The following TSPEAR variants were observed in gnomAD, a reference collection of about 807,000 sequenced individuals.
The protein encoded by TSPEAR is thrombospondin-type laminin G domain and EAR repeat-containing protein.
In TSPEAR, 69 loss-of-function variants were observed where a neutral mutation model predicts 71.6. The ratio of observed to expected loss-of-function variants is 0.96; its 90% CI spans 0.79 to 1.18. The LOEUF is 1.18. Ranked by LOEUF, TSPEAR falls within the 50% of genes most tolerant of loss-of-function variation. The pLI, the probability that TSPEAR is intolerant of heterozygous loss-of-function variation, is 0.00. For synonymous variants in TSPEAR, 402 were observed against 387.2 expected (o/e 1.04, Z -0.45); for missense variants, 971 against 894.9 (o/e 1.09, Z -1.09).
In TSPEAR at chr21:44,582,802, CTCTT is replaced by C. The variant is rs587733116; in HGVS notation, c.83-14801_83-14798del. Among the ~76,000 whole-genome samples the C allele has an allele frequency of 7.2e-3, 1,071 of 148,722 alleles. 8 individuals are homozygous for C. Among genetic ancestry groups the C allele is most frequent in the Middle Eastern group, 0.028 (8 of 290 alleles). ...TGATCACACCAATTTCTTTCTTTCT[CTCTT>C]TCTTTCTCTTTCTTTCTTTTCTTCC... On this transcript the variant is annotated intron_variant, in intron 1 of 11. Transcript: ENST00000323084.
intron 2 of TSPEAR, among the ~76,000 whole-genome samples, chr21:44,565,331 AAG>A (rs1205630407): frequency 1.3e-5 from 2 of 152,240 alleles, no homozygotes; most frequent in Non-Finnish European, 2.9e-5. Context: ...TTCAAAAACT[AAG>A]AGGAAGTATT....
intron 9 of TSPEAR, among the ~76,000 whole-genome samples, chr21:44,513,789 G>C (rs1294057548): frequency 2.6e-5 from 4 of 152,184 alleles, no homozygotes; most frequent in Admixed American, 2.0e-4. Flanking sequence ...GAGGCAGGAT[G>C]CACCCCTGGG....
chr21:44,697,174 C>T, intron 1 of TSPEAR: 1 of 1,605,502 alleles, frequency 6.2e-7, no homozygotes. Flanking sequence ...GCTCCCCCAG[C>T]TCAACCCCCA....
chr21:44,665,964 C>T (rs1985731018), intron 1 of TSPEAR, among the ~76,000 whole-genome samples: 1 of 152,172 alleles, frequency 6.6e-6, no homozygotes, highest in African/African-American at 2.4e-5. Context: ...GACCACTCTA[C>T]CACAGGCGGG....
chr21:44,533,830 G>A lies in TSPEAR; in HGVS notation c.397C>T (p.Leu133Phe), dbSNP rs782422193. 1.2e-6 allele frequency: 2 copies of A among 1,612,558 alleles called. No individual in the cohort carries two copies. The highest frequency in any genetic ancestry group is 1.7e-6 in the Non-Finnish European group (2 of 1,179,922). Residue 133 changes from leucine to phenylalanine, a missense_variant, in exon 3 of 12, where the codon CTT becomes TTT. Physicochemically the swap from Leu to Phe is conservative, Grantham distance 22 (BLOSUM62 0). Coordinates refer to ENST00000323084, the MANE Select transcript of TSPEAR (RefSeq NM_144991.3). ...LSPAQLHFLF[L>F]REDTAGAWQT... ...CAGGCGCCGGCCGTGTCCTCGCGAAGGAACAGGAAGTGCAGCTGGGCAGGT... is the reference window on the plus strand; with the variant it reads ...CAGGCGCCGGCCGTGTCCTCGCGAAAGAACAGGAAGTGCAGCTGGGCAGGT...
At chr21:44,646,770 C>A (rs1555939988) in intron 1 of TSPEAR, 4 of 1,613,730 alleles carry the variant, frequency 2.5e-6, no homozygotes, top group Non-Finnish European at 3.4e-6. Context: ...TGCCTGTCTG[C>A]TGCAAGACTG....
At position 44,657,959 on chromosome 21, in the gene TSPEAR, C is replaced by T. The variant is rs782063826; in HGVS notation, c.82+53474G>A. On this transcript the variant is annotated intron_variant, in intron 1 of 11. Transcript: ENST00000323084. Reference sequence around the variant, plus strand: ...GACATCACCATCCTCCTCCCCAGTACCAGCCCAGCCACACGCCACCATGTG... The same window carrying T: ...GACATCACCATCCTCCTCCCCAGTATCAGCCCAGCCACACGCCACCATGTG... 11 of 1,607,732 alleles carry T rather than the reference C, an allele frequency of 6.8e-6. No individual in the cohort carries two copies. The African/African-American group carries it at 1.5e-4, about 21-fold the overall frequency.
chr21:44,563,330 AACAAGAC>A (rs1555921346), intron 2 of TSPEAR, among the ~76,000 whole-genome samples: 5 of 152,174 alleles, frequency 3.3e-5, no homozygotes, highest in Non-Finnish European at 5.9e-5. Flanking sequence ...TATATATAAC[AACAAGAC>A]TACAAAAAGG....
chr21:44,567,666 G>A, intron 2 of TSPEAR, 119 bp downstream of exon 2: 1 of 834,958 alleles, frequency 1.2e-6, no homozygotes, highest in Non-Finnish European at 1.7e-6. Context: ...CTTGATCCCA[G>A]AGAAACCCAG....
chr21:44,553,772 C>A (rs1180824682), intron 2 of TSPEAR, among the ~76,000 whole-genome samples: 1 of 152,056 alleles, frequency 6.6e-6, no homozygotes, highest in Non-Finnish European at 1.5e-5. Context: ...TAAGAACAGG[C>A]CTCTCACAGG....
At chr21:44,513,466 C>G (rs1175393347) in intron 9 of TSPEAR, among the ~76,000 whole-genome samples, 2 of 152,208 alleles carry the variant, frequency 1.3e-5, no homozygotes, top group Admixed American at 6.5e-5. Context: ...CTGGCTGGCA[C>G]GGGAGCCAAG....
At chr21:44,600,976 T>G (rs1396638167) in intron 1 of TSPEAR, 2 of 1,611,596 alleles carry the variant, frequency 1.2e-6, no homozygotes, top group Non-Finnish European at 1.7e-6. Context: ...CAAGACTGTC[T>G]GCTGCAAGCC....
chr21:44,607,879 G>T (rs1038774885), intron 1 of TSPEAR, among the ~76,000 whole-genome samples: 1 of 152,224 alleles, frequency 6.6e-6, no homozygotes, highest in Non-Finnish European at 1.5e-5. Flanking sequence ...CAAGAGAAGT[G>T]AAATCATATC....
At chr21:44,662,909 A>G (rs782769572) in intron 1 of TSPEAR, among the ~76,000 whole-genome samples, 2 of 152,336 alleles carry the variant, frequency 1.3e-5, no homozygotes, top group African/African-American at 4.8e-5. Flanking sequence ...AAATATTTTG[A>G]ATTAAATACA....
At chr21:44,599,447 CT>C (rs1156945416) in intron 1 of TSPEAR, among the ~76,000 whole-genome samples, 1 of 152,220 alleles carries the variant, frequency 6.6e-6, no homozygotes, top group Admixed American at 6.5e-5. Flanking sequence ...GCCCTCTCCC[CT>C]GGGTAGGGGC....
chr21:44,681,784 C>G, intron 1 of TSPEAR: 1 of 1,568,256 alleles, frequency 6.4e-7, no homozygotes. Flanking sequence ...AGGGAGTGTA[C>G]AGGTGTGGCC....
intron 2 of TSPEAR, among the ~76,000 whole-genome samples, chr21:44,560,376 A>G (rs1197017406): frequency 1.3e-5 from 2 of 152,182 alleles, no homozygotes; most frequent in African/African-American, 4.8e-5. Flanking sequence ...CTCCCACACA[A>G]TAATAGTGGG....
chr21:44,572,101 G>T (rs1555922619), intron 1 of TSPEAR, among the ~76,000 whole-genome samples: 1 of 152,270 alleles, frequency 6.6e-6, no homozygotes, highest in East Asian at 1.9e-4. Flanking sequence ...CACTGCTCCT[G>T]TGGGATTCCT....
At chr21:44,650,565 G>A (rs1300726790) in intron 1 of TSPEAR, among the ~76,000 whole-genome samples, 1 of 152,364 alleles carries the variant, frequency 6.6e-6, no homozygotes, top group South Asian at 2.1e-4. Flanking sequence ...TCATCCCCCA[G>A]ATGGGGACAG....
Sources: gnomAD v4.1 joint callset for allele counts (sites outside exome capture counted in the v4.1 genomes callset) on GRCh38, gnomAD v4.1.1 for gene constraint, MANE v1.5 for transcripts, NCBI Gene and HGNC (gene_info 2026-07-23, HGNC 2026-07-21) for gene names.